The following ZNF385D variants were observed in gnomAD, a reference collection of about 807,000 sequenced individuals.
ZNF385D encodes the protein zinc finger protein 659.
ZNF385D carries 15 observed loss-of-function variants against 35.8 expected under a neutral mutation model. The observed-to-expected ratio is 0.42, with a 90% CI of 0.28 to 0.64. ZNF385D has a LOEUF of 0.64. ZNF385D is among the 30% of genes least tolerant of loss of function. The pLI is 0.23. For missense variants in ZNF385D, 474 were observed against 494.6 expected (o/e 0.96, Z 0.39); for synonymous variants, 212 against 186.8 (o/e 1.13, Z -1.10).
At chr3:21,715,719 CTATCTA>C (rs1192804565) in intron 1 of ZNF385D, among the ~76,000 whole-genome samples, 3 of 152,076 alleles carry the variant, frequency 2.0e-5, no homozygotes, top group Non-Finnish European at 4.4e-5. Context: ...CACCAAATTT[CTATCTA>C]TATGTTATCT....
intron 3 of ZNF385D, among the ~76,000 whole-genome samples, chr3:22,011,959 T>C (rs1467805829): frequency 6.6e-6 from 1 of 152,130 alleles, no homozygotes; most frequent in African/African-American, 2.4e-5. Flanking sequence ...TTCCCTCCCT[T>C]CTTTTCTTCT....
chr3:21,768,060 G>T (rs544439630), intron 3 of ZNF385D, among the ~76,000 whole-genome samples: 2 of 152,094 alleles, frequency 1.3e-5, no homozygotes, highest in East Asian at 1.9e-4. Context: ...TACATTTCTG[G>T]CCTTGTTGTA....
chr3:22,145,026 G>GTGTA (rs1246872022), intron 3 of ZNF385D, among the ~76,000 whole-genome samples: 1 of 151,932 alleles, frequency 6.6e-6, no homozygotes, highest in East Asian at 1.9e-4. Flanking sequence ...GTGTGTGTGT[G>GTGTA]TGTGTGTGTG....
intron 3 of ZNF385D, among the ~76,000 whole-genome samples, chr3:21,772,395 C>A (rs1484179665): frequency 1.4e-5 from 2 of 142,306 alleles, no homozygotes; most frequent in Admixed American, 7.0e-5. Context: ...AACAAAAAAA[C>A]AAGCTGATTA....
chr3:22,267,331 C>T (rs1426777019), intron 2 of ZNF385D, among the ~76,000 whole-genome samples: 1 of 151,362 alleles, frequency 6.6e-6, no homozygotes, highest in Non-Finnish European at 1.5e-5. Context: ...GACAATAAAC[C>T]TCTTAGTTTC....
chr3:21,428,228 C>T (rs897805741), intron 5 of ZNF385D, among the ~76,000 whole-genome samples: 1 of 151,726 alleles, frequency 6.6e-6, no homozygotes, highest in Non-Finnish European at 1.5e-5. Context: ...TAGAAGAACC[C>T]CTTTGTATTA....
intron 2 of ZNF385D, among the ~76,000 whole-genome samples, chr3:22,332,007 G>A (rs79157654): frequency 0.052 from 7,927 of 152,086 alleles, 255 homozygotes; most frequent in East Asian, 0.12. Flanking sequence ...TAATATAGAA[G>A]AATAGTATAG....
intron 3 of ZNF385D, among the ~76,000 whole-genome samples, chr3:21,817,300 A>C (rs926119543): frequency 2.0e-5 from 3 of 152,250 alleles, no homozygotes; most frequent in African/African-American, 7.2e-5. Context: ...TATAACACCA[A>C]AAGCAATGGC....
intron 4 of ZNF385D, chr3:21,441,777 T>G: frequency 1.0e-6 from 1 of 980,018 alleles, no homozygotes; most frequent in Non-Finnish European, 1.2e-6. Flanking sequence ...AACGATTCGC[T>G]TTTCTTACTG....
At chr3:21,944,795 C>T (rs1371742946) in intron 3 of ZNF385D, among the ~76,000 whole-genome samples, 1 of 152,032 alleles carries the variant, frequency 6.6e-6, no homozygotes, top group Non-Finnish European at 1.5e-5. Flanking sequence ...TTTTATGACA[C>T]ATTTAATTTT....
intron 3 of ZNF385D, among the ~76,000 whole-genome samples, chr3:21,764,372 C>G (rs989514070): frequency 6.6e-6 from 1 of 152,112 alleles, no homozygotes; most frequent in African/African-American, 2.4e-5. Flanking sequence ...TAATGGGCCT[C>G]ATAGTTATGG....
intron 1 of ZNF385D, among the ~76,000 whole-genome samples, chr3:21,739,298 G>T (rs2069392327): frequency 6.6e-6 from 1 of 152,228 alleles, no homozygotes; most frequent in Admixed American, 6.5e-5. Context: ...GTGCTAGGAA[G>T]TGCATGAGTT....
At chr3:21,484,573 G>T (rs570884070) in intron 4 of ZNF385D, among the ~76,000 whole-genome samples, 6 of 152,158 alleles carry the variant, frequency 3.9e-5, no homozygotes, top group African/African-American at 1.4e-4. Flanking sequence ...TAGATCCATT[G>T]TCACAAGATG....
chr3:21,749,181 A>C (rs1265008295), intron 1 of ZNF385D, among the ~76,000 whole-genome samples: 1 of 152,226 alleles, frequency 6.6e-6, no homozygotes, highest in Non-Finnish European at 1.5e-5. Flanking sequence ...CGTACTATTA[A>C]AAACTTGCAT....
intron 3 of ZNF385D, among the ~76,000 whole-genome samples, chr3:21,912,941 A>G (rs1314784755): frequency 6.6e-6 from 1 of 152,064 alleles, no homozygotes; most frequent in African/African-American, 2.4e-5. Flanking sequence ...GGTACTGACA[A>G]TCTTACTGTG....
chr3:21,756,203 G>C (rs7616119), upstream of ZNF385D, among the ~76,000 whole-genome samples: 103,454 of 151,996 alleles, frequency 0.68, 36,269 homozygotes, highest in East Asian at 0.9. Context: ...CTTGGACCAG[G>C]GAAGAAACAG....
At chr3:21,618,765 C>T (rs1199532666) in intron 2 of ZNF385D, among the ~76,000 whole-genome samples, 1 of 152,096 alleles carries the variant, frequency 6.6e-6, no homozygotes, top group Non-Finnish European at 1.5e-5. Context: ...TAAAGCAATA[C>T]AGTAGTGAAA....
chr3:21,710,096 T>A (rs890698283), intron 1 of ZNF385D, among the ~76,000 whole-genome samples: 2 of 152,102 alleles, frequency 1.3e-5, no homozygotes, highest in Non-Finnish European at 2.9e-5. Context: ...AAGGTAAAAC[T>A]ACAGAAACAG....
chr3:22,304,408 T>G (rs1703090488), intron 2 of ZNF385D, among the ~76,000 whole-genome samples: 1 of 152,218 alleles, frequency 6.6e-6, no homozygotes, highest in Non-Finnish European at 1.5e-5. Context: ...ATGCAAATTT[T>G]ATTTTTTGCT....
Sources: allele counts gnomAD v4.1 joint callset (sites outside exome capture counted in the v4.1 genomes callset), GRCh38; gene constraint gnomAD v4.1.1; transcripts MANE v1.5; gene names NCBI Gene and HGNC (gene_info 2026-07-23, HGNC 2026-07-21).